ARHGEF33: variants seen among roughly 807,000 people sequenced by gnomAD.
ARHGEF33 encodes Rho guanine nucleotide exchange factor 33, also known as DH and coiled-coil domain-containing protein ENSP00000381780.
ARHGEF33 carries 72 observed loss-of-function variants against 101.9 expected under a neutral mutation model. The ratio of observed to expected loss-of-function variants is 0.71; its 90% CI spans 0.58 to 0.86. ARHGEF33 has a LOEUF of 0.86. Among genes scored for constraint, ARHGEF33 ranks in the 40% least tolerant of loss-of-function variants. The pLI, the probability that ARHGEF33 is intolerant of heterozygous loss-of-function variation, is 0.00. For missense variants in ARHGEF33, 1,169 were observed against 1,111.3 expected (o/e 1.05, Z -0.74); for synonymous variants, 499 against 442.5 (o/e 1.13, Z -1.60).
chr2:38,938,405 G>A (rs1667209650), intron 9 of ARHGEF33, among the ~76,000 whole-genome samples: 1 of 152,116 alleles, frequency 6.6e-6, no homozygotes, highest in Admixed American at 6.6e-5. Flanking sequence ...TGGGCCTCCT[G>A]GCATGTGCCT....
chr2:38,900,026 CA>C (rs5830545), intron 2 of ARHGEF33, among the ~76,000 whole-genome samples: 91,836 of 149,950 alleles, frequency 0.61, 29,140 homozygotes, highest in East Asian at 0.87. Context: ...CTCACTTCTA[CA>C]AAAAAAAAAT....
intron 2 of ARHGEF33, among the ~76,000 whole-genome samples, chr2:38,910,362 G>C (rs899400197): frequency 2.0e-5 from 3 of 152,208 alleles, no homozygotes; most frequent in Non-Finnish European, 4.4e-5. Flanking sequence ...CCTGAGCTCA[G>C]GAGTTCAAGA....
intron 16 of ARHGEF33, among the ~76,000 whole-genome samples, chr2:38,961,695 C>A (rs1378501030): frequency 2.0e-5 from 3 of 152,040 alleles, no homozygotes; most frequent in Non-Finnish European, 4.4e-5. Context: ...CAGTCTCTAT[C>A]CTCCGGGACC....
Position 38,960,550 on chromosome 2 carries a change from C to CCGG in ARHGEF33, c.2247_2249dup (p.Ala753dup). On this transcript the variant is annotated inframe_insertion, in exon 16 of 18. Coordinates refer to ENST00000409978, the MANE Select transcript of ARHGEF33 (RefSeq NM_001145451.5). ...CGAGCGCGCCGCGCAGGCGCACGGCCCGGCCGCCGCCGCCGTCGCCGCCCG... is the reference window on the plus strand; with the variant it reads ...CGAGCGCGCCGCGCAGGCGCACGGCCCGGCGGCCGCCGCCGCCGTCGCCGCCCG... 2.4e-6 allele frequency: 3 copies of CCGG among 1,266,266 alleles called. No individual in the cohort carries two copies. Among genetic ancestry groups the CCGG allele is most frequent in the Non-Finnish European group, 3.0e-6 (3 of 992,670 alleles). The allele number at this position is 1,266,266 out of a possible 1,614,324, so 78.4% of individuals were successfully genotyped here. A position where few individuals can be genotyped will look rare whatever the true frequency, so the allele number is the denominator to read the frequency against.
At chr2:38,907,888 T>C (rs1456895519) in intron 2 of ARHGEF33, among the ~76,000 whole-genome samples, 1 of 150,812 alleles carries the variant, frequency 6.6e-6, no homozygotes, top group African/African-American at 2.4e-5. Context: ...AGACAATGTC[T>C]CACTCTGTCA....
Position 38,933,207 on chromosome 2 carries a change from GGC to G in ARHGEF33, c.505+1957_505+1958del, listed in dbSNP as rs1667045795. ...GGCCATGGCTGTCATCTCAGGTGAAGGCTCTACTCATGGGGCATCTATACCAA... is the reference window on the plus strand; with the variant it reads ...GGCCATGGCTGTCATCTCAGGTGAAGTCTACTCATGGGGCATCTATACCAA... On this transcript the variant is annotated intron_variant, in intron 7 of 17. Transcript: ENST00000409978. Among the ~76,000 whole-genome samples, 9 of 152,230 alleles carry G rather than the reference GGC, an allele frequency of 5.9e-5. No individual in the cohort carries two copies. In the South Asian group the frequency reaches 1.9e-3, roughly 32 times the overall value.
intron 1 of ARHGEF33, among the ~76,000 whole-genome samples, chr2:38,890,423 A>G (rs1665970304): frequency 6.6e-6 from 1 of 152,182 alleles, no homozygotes; most frequent in Non-Finnish European, 1.5e-5. Context: ...CTAACACAGA[A>G]AAAGAATAGG....
intron 16 of ARHGEF33, among the ~76,000 whole-genome samples, chr2:38,961,158 G>T (rs190174544): frequency 1.4e-3 from 209 of 152,340 alleles, no homozygotes; most frequent in African/African-American, 4.6e-3. Flanking sequence ...CTTGCTTGTA[G>T]CTAGGGAGGA....
At chr2:38,971,067 T>C (rs1248098472) in intron 17 of ARHGEF33, among the ~76,000 whole-genome samples, 1 of 152,204 alleles carries the variant, frequency 6.6e-6, no homozygotes. Flanking sequence ...CCTTGCCCCT[T>C]TACTTCTTGA....
Position 38,929,721 on chromosome 2 carries a change from A to G in ARHGEF33, c.253A>G (p.Asn85Asp). 1.9e-6 allele frequency: 3 copies of G among 1,551,948 alleles called. No homozygotes were observed. Among genetic ancestry groups the G allele is most frequent in the Non-Finnish European group, 2.6e-6 (3 of 1,146,892 alleles). The change falls in exon 6 of 18, where the codon AAT becomes GAT. Residue 85 changes from asparagine (N) to aspartate (D), a missense_variant. Transcript: ENST00000409978. ...SLNYFKEELS[N>D]AMSMIQAITS... ...TCTTATTTTTTAGGAAGAGCTGAGC[A>G]ATGCCATGTCGATGATCCAAGCCAT...
chr2:38,921,720 C>A (rs1363631062), intron 4 of ARHGEF33, among the ~76,000 whole-genome samples: 1 of 152,148 alleles, frequency 6.6e-6, no homozygotes, highest in East Asian at 1.9e-4. Context: ...ACCACTGTGC[C>A]TGGCTGAGAA....
intron 14 of ARHGEF33, among the ~76,000 whole-genome samples, chr2:38,957,486 G>C (rs1202007650): frequency 6.6e-6 from 1 of 152,216 alleles, no homozygotes; most frequent in African/African-American, 2.4e-5. Flanking sequence ...TTTGCCACAT[G>C]GAGTTTCCTT....
rs527425383 is a variant in ARHGEF33 at position 38,952,706 on chromosome 2, T to G, written c.1054-456T>G. Among the ~76,000 whole-genome samples the G allele has an allele frequency of 3.3e-5, 5 of 152,012 alleles. No individual in the cohort carries two copies. The South Asian group carries it at 1.0e-3, about 32-fold the overall frequency. On this transcript the variant is annotated intron_variant, in intron 11 of 17. Coordinates refer to ENST00000409978, the MANE Select transcript of ARHGEF33 (RefSeq NM_001145451.5). ...ACCAAAATTTTTTTTAAGATACATT[T>G]TTTTTTTTTTGAGCCGGAGTCTCAC...
intron 3 of ARHGEF33, among the ~76,000 whole-genome samples, chr2:38,919,944 C>T (rs550042035): frequency 1.3e-5 from 2 of 152,182 alleles, no homozygotes; most frequent in Admixed American, 1.3e-4. Context: ...TCCTCCCAAG[C>T]CCTGATTCTT....
At chr2:38,967,936 CTTTTTTTTTTT>C (rs397871559) in intron 17 of ARHGEF33, among the ~76,000 whole-genome samples, 5,601 of 96,442 alleles carry the variant, frequency 0.058, 429 homozygotes, top group African/African-American at 0.2. Flanking sequence ...TTGAGCCTAT[CTTTTTTTTTTT>C]TTTTTTTTTT....
intron 1 of ARHGEF33, among the ~76,000 whole-genome samples, chr2:38,893,157 C>CT (rs11302987): frequency 5.4e-4 from 66 of 122,322 alleles, no homozygotes; most frequent in African/African-American, 8.7e-4. Flanking sequence ...TCTGGTAATC[C>CT]TTTTTTTTTT....
At chr2:38,965,347 G>T (rs896198242) in intron 16 of ARHGEF33, among the ~76,000 whole-genome samples, 4 of 152,178 alleles carry the variant, frequency 2.6e-5, no homozygotes, top group African/African-American at 9.6e-5. Context: ...GAAAAAACTA[G>T]AGAGGTCACA....
At chr2:38,912,192 G>A (rs937205599) in intron 2 of ARHGEF33, among the ~76,000 whole-genome samples, 2 of 152,256 alleles carry the variant, frequency 1.3e-5, no homozygotes, top group African/African-American at 4.8e-5. Context: ...GAGACAGAAA[G>A]AAAGGAGGAA....
chr2:38,959,718 G>A, intron 15 of ARHGEF33, 123 bp from the exon 16 acceptor site: 1 of 1,114,100 alleles, frequency 9.0e-7, no homozygotes, highest in Non-Finnish European at 1.2e-6. Flanking sequence ...GGAAGTTTGT[G>A]GAGCTCGGGA....
Sources: allele counts gnomAD v4.1 joint callset (sites outside exome capture counted in the v4.1 genomes callset), GRCh38; gene constraint gnomAD v4.1.1; transcripts MANE v1.5; gene names NCBI Gene and HGNC (gene_info 2026-07-23, HGNC 2026-07-21).